The following FAM149B1 variants were observed in gnomAD, a reference collection of about 807,000 sequenced individuals.
The protein encoded by FAM149B1 is primary cilium assembly protein FAM149B1.
In FAM149B1, 56 loss-of-function variants were observed where a neutral mutation model predicts 75.3. The ratio of observed to expected loss-of-function variants is 0.74; its 90% CI spans 0.60 to 0.93. The LOEUF is 0.93. FAM149B1 is among the 40% of genes least tolerant of loss of function. The pLI is 0.00. For synonymous variants in FAM149B1, 259 were observed against 256.1 expected (o/e 1.01, Z -0.11); for missense variants, 639 against 708.4 (o/e 0.90, Z 1.11).
chr10:73,189,709 G>A lies in FAM149B1; in HGVS notation c.283-2847G>A, dbSNP rs371631804. ...AGACCAGACAAAAGTAACTTACAGT[G>A]ATAAAAATAAGTCAACATTTTGGAA... is the stretch of plus-strand genomic sequence containing the variant. On this transcript the variant is annotated intron_variant, in intron 3 of 13. Coordinates refer to ENST00000242505, the MANE Select transcript of FAM149B1 (RefSeq NM_173348.2). Among the ~76,000 whole-genome samples the A allele has an allele frequency of 3.9e-5, 6 of 152,340 alleles. 1 individual carries two copies. In the South Asian group the frequency reaches 1.0e-3, roughly 26 times the overall value.
chr10:73,188,743 AAGGAAGGAAGGAGGG>A (rs2042596518), intron 3 of FAM149B1, among the ~76,000 whole-genome samples: 1 of 131,902 alleles, frequency 7.6e-6, no homozygotes, highest in African/African-American at 2.9e-5. Context: ...GAAAAAAAAA[AAGGAAGGAAGGAGGG>A]AAGGAAGGAA....
intron 7 of FAM149B1, among the ~76,000 whole-genome samples, chr10:73,215,422 A>G (rs568477223): frequency 4.5e-4 from 68 of 151,744 alleles, no homozygotes; most frequent in Admixed American, 3.1e-3. Flanking sequence ...GGGTTTTGCT[A>G]TGTTGCCCAG....
At chr10:73,175,509 A>G (rs1434211932) in intron 2 of FAM149B1, among the ~76,000 whole-genome samples, 4 of 152,050 alleles carry the variant, frequency 2.6e-5, no homozygotes, top group Admixed American at 2.6e-4. Context: ...CTCTACTAAA[A>G]ATACAAAAAA....
intron 3 of FAM149B1, among the ~76,000 whole-genome samples, chr10:73,191,336 CT>C (rs1344368813): frequency 0.016 from 1,997 of 124,030 alleles, 20 homozygotes; most frequent in Middle Eastern, 0.025. Flanking sequence ...CCGCCTTGGC[CT>C]TTTTTTTTTT....
chr10:73,178,685 C>G (rs1844078550), intron 3 of FAM149B1, among the ~76,000 whole-genome samples: 1 of 152,068 alleles, frequency 6.6e-6, no homozygotes, highest in Non-Finnish European at 1.5e-5. Context: ...GTAATGAAAA[C>G]AAACAGGTTA....
chr10:73,223,529 C>T (rs903149452), intron 7 of FAM149B1, among the ~76,000 whole-genome samples: 15 of 152,078 alleles, frequency 9.9e-5, no homozygotes, highest in East Asian at 7.7e-4. Context: ...AAGTACTAGA[C>T]GCATAAGGGT....
chr10:73,191,549 G>GCTGGT (rs1373751985), intron 3 of FAM149B1, among the ~76,000 whole-genome samples: 4 of 152,022 alleles, frequency 2.6e-5, no homozygotes, highest in African/African-American at 9.7e-5. Context: ...TGTAGGCCAG[G>GCTGGT]CTGGTCTGGA....
At chr10:73,187,273 TC>T (rs1382911181) in intron 3 of FAM149B1, among the ~76,000 whole-genome samples, 1 of 151,654 alleles carries the variant, frequency 6.6e-6, no homozygotes, top group African/African-American at 2.4e-5. Flanking sequence ...ATATGGCATT[TC>T]TCCCCAAATT....
chr10:73,197,684 C>CAT, intron 5 of FAM149B1, among the ~76,000 whole-genome samples: 1 of 152,006 alleles, frequency 6.6e-6, no homozygotes, highest in Non-Finnish European at 1.5e-5. Flanking sequence ...GCAGGAGAAT[C>CAT]CCTTGAACTC....
At position 73,243,705 on chromosome 10, in the gene FAM149B1, A is replaced by C; in HGVS notation, c.*2686A>C. The stretch of plus-strand genomic sequence containing the variant: ...TTTGTAAATACACTTAAAACCACCA[A>C]ATTGTACACTTTAAAAGGACAAATA... On this transcript the variant is annotated 3_prime_UTR_variant, in exon 14 of 14. Coordinates refer to ENST00000242505, the MANE Select transcript of FAM149B1 (RefSeq NM_173348.2). The C allele has an allele frequency of 9.1e-7, 1 of 1,103,980 alleles. No individual in the cohort carries two copies. Among genetic ancestry groups the C allele is most frequent in the Non-Finnish European group, 1.3e-6 (1 of 769,710 alleles). 68.4% of individuals were successfully genotyped at this position (1,103,980 alleles called of 1,614,324 possible). A position where few individuals can be genotyped will look rare whatever the true frequency, so the allele number is the denominator to read the frequency against.
chr10:73,230,545 C>T lies in FAM149B1; in HGVS notation c.1127+20C>T. ...GCTCCTGTAAGAAGTTCAACATTTT[C>T]AGACTATACAGTGTAAAAGGGAAAC... is the stretch of plus-strand genomic sequence containing the variant. On this transcript the variant is annotated intron_variant, in intron 9 of 13. Transcript: ENST00000242505. The T allele has an allele frequency of 7.8e-7, 1 of 1,274,984 alleles. No individual in the cohort carries two copies. The highest frequency in any genetic ancestry group is 1.1e-6 in the Non-Finnish European group (1 of 895,046). 79.0% of individuals were successfully genotyped at this position (1,274,984 alleles called of 1,614,324 possible). A position where few individuals can be genotyped will look rare whatever the true frequency, so the allele number is the denominator to read the frequency against.
At chr10:73,207,036 CTG>C (rs1377166977) in intron 5 of FAM149B1, among the ~76,000 whole-genome samples, 1 of 152,248 alleles carries the variant, frequency 6.6e-6, no homozygotes, top group African/African-American at 2.4e-5. Flanking sequence ...TTGGCACTAT[CTG>C]TGTAGATTTC....
chr10:73,232,814 G>GT (rs2043736221), intron 9 of FAM149B1, 125 bp from the exon 10 acceptor site: 1 of 629,326 alleles, frequency 1.6e-6, no homozygotes, highest in African/African-American at 1.8e-5. Flanking sequence ...TTATTGAAAG[G>GT]TTTTTATTTT....
intron 1 of FAM149B1, among the ~76,000 whole-genome samples, chr10:73,169,326 AAAAT>A (rs929656006): frequency 1.6e-4 from 25 of 152,114 alleles, no homozygotes; most frequent in South Asian, 1.5e-3. Flanking sequence ...ACTCCGTCTC[AAAAT>A]AAATAAATAA....
At chr10:73,198,695 C>G (rs979724390) in intron 5 of FAM149B1, among the ~76,000 whole-genome samples, 8 of 152,156 alleles carry the variant, frequency 5.3e-5, no homozygotes, top group African/African-American at 1.9e-4. Flanking sequence ...ATTCCAGCTA[C>G]TCAGGAGGCT....
intron 5 of FAM149B1, 53 bp downstream of exon 5, chr10:73,193,646 T>C: frequency 1.3e-6 from 2 of 1,511,542 alleles, no homozygotes. Context: ...GCAAGTATTA[T>C]GTCCTACCAG....
rs1589201926 is a variant in FAM149B1, at chr10:73,240,963, T to C, written c.1693T>C (p.Ser565Pro). Residue 565 changes from serine (S) to proline (P), a missense_variant, in exon 14 of 14, where the codon TCT (serine) becomes CCT (proline). Physicochemically the swap from Ser to Pro is moderately conservative, Grantham distance 74 (BLOSUM62 -1). Transcript: ENST00000242505. ...RGSAGPQLHGSTKSQSGGRPV... is the reference protein window; with the variant it reads ...RGSAGPQLHGPTKSQSGGRPV... The stretch of plus-strand genomic sequence containing the variant: ...TCTGACAGGTCCTCAGTTACATGGG[T>C]CTACAAAATCTCAAAGCGGAGGCAG... The C allele has an allele frequency of 6.5e-7, 1 of 1,542,234 alleles. No individual in the cohort carries two copies. The highest frequency in any genetic ancestry group is 1.4e-5 in the African/African-American group (1 of 70,792).
intron 13 of FAM149B1, 140 bp from the exon 14 acceptor site, chr10:73,240,806 C>T (rs1392141828): frequency 1.0e-5 from 6 of 591,886 alleles, no homozygotes; most frequent in Non-Finnish European, 3.0e-6. Context: ...TTAGTGGGCT[C>T]TTCTACAAAA....
intron 7 of FAM149B1, among the ~76,000 whole-genome samples, chr10:73,212,273 G>A (rs904252095): frequency 2.0e-5 from 3 of 152,100 alleles, no homozygotes; most frequent in African/African-American, 4.8e-5. Flanking sequence ...ATAAACATAT[G>A]AGTGTGAATA....
Sources: allele counts gnomAD v4.1 joint callset (sites outside exome capture counted in the v4.1 genomes callset), GRCh38; gene constraint gnomAD v4.1.1; transcripts MANE v1.5; gene names NCBI Gene and HGNC (gene_info 2026-07-23, HGNC 2026-07-21).